The following METAP1 variants were observed in gnomAD, a reference collection of about 807,000 sequenced individuals.
METAP1 encodes methionyl aminopeptidase 1.
A neutral mutation model predicts 53.8 loss-of-function variants in METAP1; 28 were observed. That is an observed-to-expected ratio of 0.52 (90% CI 0.39 to 0.71). METAP1 has a LOEUF of 0.71. METAP1 is among the 30% of genes least tolerant of loss of function. The pLI is 0.00. For synonymous variants in METAP1, 181 were observed against 165.7 expected, an observed-to-expected ratio of 1.09 and a Z score of -0.71; for missense variants, 389 against 479.8, an observed-to-expected ratio of 0.81 and a Z score of 1.77.
At chr4:99,024,099 C>G (rs1226266638) in intron 1 of METAP1, among the ~76,000 whole-genome samples, 2 of 152,212 alleles carry the variant, frequency 1.3e-5, no homozygotes, top group Non-Finnish European at 2.9e-5. Context: ...AACCCCTGAC[C>G]TAACTGGTTA....
chr4:99,020,803 G>T (rs530271776), intron 1 of METAP1, among the ~76,000 whole-genome samples: 1 of 152,280 alleles, frequency 6.6e-6, no homozygotes, highest in East Asian at 1.9e-4. Flanking sequence ...TTTAAAATTG[G>T]CTCTTGGGTC....
At position 99,061,361 on chromosome 4, in the gene METAP1, T is replaced by C; in HGVS notation, c.*44T>C. 1.3e-6 allele frequency: 2 copies of C among 1,527,120 alleles called. No homozygotes were observed. Among genetic ancestry groups the C allele is most frequent in the Non-Finnish European group, 1.8e-6 (2 of 1,124,954 alleles). 94.6% of individuals were successfully genotyped at this position (1,527,120 alleles called of 1,614,324 possible). On this transcript the variant is annotated 3_prime_UTR_variant, in exon 11 of 11. Coordinates refer to ENST00000296411, the MANE Select transcript of METAP1 (RefSeq NM_015143.3). Reference sequence around the variant, plus strand: ...ATCTCAGTACCTTCTTACTGTGCTATGCATTTTATTGAGAGTACAGAAAGG... The same window carrying C: ...ATCTCAGTACCTTCTTACTGTGCTACGCATTTTATTGAGAGTACAGAAAGG...
chr4:99,018,752 G>T (rs530556107), intron 1 of METAP1, among the ~76,000 whole-genome samples: 2 of 152,142 alleles, frequency 1.3e-5, no homozygotes, highest in Admixed American at 1.3e-4. Flanking sequence ...TAGGATAAGG[G>T]TATTATACGG....
rs1723900122 is a variant in METAP1 at position 99,018,366 on chromosome 4, A to C, written c.115-10501A>C. On this transcript the variant is annotated intron_variant, in intron 1 of 10. Transcript: ENST00000296411. ...TTTTTCTATATCTTCTCCAGATATA[A>C]GTATGTCATCCATATATAGGATTAA... 2.0e-5 allele frequency among the ~76,000 whole-genome samples: 3 copies of C among 152,258 alleles called. No individual in the cohort carries two copies. In the South Asian group the frequency reaches 6.2e-4, roughly 31 times the overall value.
intron 1 of METAP1, chr4:99,022,337 CCTCCATGCT>C (rs964874791): frequency 8.3e-6 from 7 of 844,488 alleles, no homozygotes; most frequent in Non-Finnish European, 1.0e-5. Flanking sequence ...AGGGAAGATC[CCTCCATGCT>C]CTCTGAGGGT....
chr4:99,046,464 CTG>C (rs773163600), intron 8 of METAP1, among the ~76,000 whole-genome samples: 9 of 152,116 alleles, frequency 5.9e-5, no homozygotes, highest in African/African-American at 9.7e-5. Context: ...TGTTAACAAA[CTG>C]TTAATAAATG....
chr4:99,010,217 G>A (rs1007106003), intron 1 of METAP1, among the ~76,000 whole-genome samples: 1 of 152,144 alleles, frequency 6.6e-6, no homozygotes, highest in Non-Finnish European at 1.5e-5. Context: ...ACTTTGGGAG[G>A]CTGAAACTGG....
At chr4:99,012,138 C>T (rs1238887515) in intron 1 of METAP1, among the ~76,000 whole-genome samples, 5 of 152,088 alleles carry the variant, frequency 3.3e-5, no homozygotes, top group African/African-American at 9.7e-5. Context: ...TGGCCTCAGG[C>T]AGTCCTTCCC....
At chr4:99,055,989 T>G (rs1215337786) in intron 9 of METAP1, among the ~76,000 whole-genome samples, 1 of 152,234 alleles carries the variant, frequency 6.6e-6, no homozygotes, top group Non-Finnish European at 1.5e-5. Context: ...AAGCTCCAGA[T>G]TTGAAATCTG....
intron 9 of METAP1, among the ~76,000 whole-genome samples, chr4:99,051,175 A>C (rs1219187102): frequency 6.6e-6 from 1 of 152,124 alleles, no homozygotes. Context: ...AGAAGCAATA[A>C]AATTTGAGTT....
At chr4:99,006,136 C>T (rs766795278) in intron 1 of METAP1, among the ~76,000 whole-genome samples, 3 of 152,118 alleles carry the variant, frequency 2.0e-5, no homozygotes, top group Admixed American at 6.5e-5. Context: ...TACTCATGAA[C>T]AGCAGTGTTC....
chr4:99,000,595 A>G (rs904633448), intron 1 of METAP1, among the ~76,000 whole-genome samples: 1 of 152,150 alleles, frequency 6.6e-6, no homozygotes, highest in Non-Finnish European at 1.5e-5. Flanking sequence ...GACAAATCCA[A>G]TAATAGGTTC....
Position 99,028,923 on chromosome 4 carries a change from G to A in METAP1, c.166+5G>A, listed in dbSNP as rs1253833762. 6.5e-7 allele frequency: 1 copy of A among 1,534,758 alleles called. No individual in the cohort carries two copies. Among genetic ancestry groups the A allele is most frequent in the Non-Finnish European group, 8.8e-7 (1 of 1,135,018 alleles). On this transcript the variant is annotated splice_donor_5th_base_variant and intron_variant, in intron 2 of 10. Coordinates refer to ENST00000296411, the MANE Select transcript of METAP1 (RefSeq NM_015143.3). Reference sequence around the variant, plus strand: ...AGTTACTACATAAGAAAGCAAGTAAGTACAATCACAAATTTTTACACCATT... The same window carrying A: ...AGTTACTACATAAGAAAGCAAGTAAATACAATCACAAATTTTTACACCATT...
chr4:99,010,485 C>A (rs571958682), intron 1 of METAP1, among the ~76,000 whole-genome samples: 2 of 152,234 alleles, frequency 1.3e-5, no homozygotes, highest in African/African-American at 4.8e-5. Flanking sequence ...AAAAAACACA[C>A]ATGACCAAAT....
At chr4:99,010,516 A>G (rs1723414606) in intron 1 of METAP1, among the ~76,000 whole-genome samples, 1 of 152,250 alleles carries the variant, frequency 6.6e-6, no homozygotes, top group South Asian at 2.1e-4. Context: ...TTATTTCTGG[A>G]TTCTGTTCCA....
chr4:99,055,475 C>T (rs542079168), intron 9 of METAP1, among the ~76,000 whole-genome samples: 1 of 151,978 alleles, frequency 6.6e-6, no homozygotes, highest in South Asian at 2.1e-4. Flanking sequence ...CAAGGCATGC[C>T]TGCATATTAC....
At chr4:99,014,536 T>C (rs1723644004) in intron 1 of METAP1, among the ~76,000 whole-genome samples, 1 of 152,180 alleles carries the variant, frequency 6.6e-6, no homozygotes, top group Non-Finnish European at 1.5e-5. Context: ...TAACGTTGAC[T>C]CGAGTCTAGC....
intron 8 of METAP1, among the ~76,000 whole-genome samples, chr4:99,046,614 A>G (rs1461955346): frequency 1.3e-5 from 2 of 152,120 alleles, no homozygotes; most frequent in East Asian, 3.9e-4. Context: ...ACAAACATAC[A>G]GTTATCTCTA....
chr4:99,031,510 A>G, intron 2 of METAP1: 1 of 1,288,110 alleles, frequency 7.8e-7, no homozygotes, highest in Non-Finnish European at 1.0e-6. Flanking sequence ...GATTACAGAG[A>G]GAAGGTGTTA....
Sources: gnomAD v4.1 joint callset for allele counts (sites outside exome capture counted in the v4.1 genomes callset) on GRCh38, gnomAD v4.1.1 for gene constraint, MANE v1.5 for transcripts, NCBI Gene and HGNC (gene_info 2026-07-23, HGNC 2026-07-21) for gene names.